Variants in CFAP47 observed in about 807,000 individuals in gnomAD.
The protein encoded by CFAP47 is cilia and flagella associated protein 47.
A neutral mutation model predicts 148.1 loss-of-function variants in CFAP47; 29 were observed. The ratio of observed to expected loss-of-function variants is 0.20; its 90% CI spans 0.15 to 0.27. The LOEUF (loss-of-function observed/expected upper bound fraction) is 0.27. CFAP47 is among the 10% of genes least tolerant of loss of function. CFAP47 has a pLI of 1.00. For synonymous variants in CFAP47, 664 were observed against 577.3 expected (o/e 1.15, Z -2.15); for missense variants, 1,872 against 1,697.5 (o/e 1.10, Z -1.81).
chrX:35,946,965 C>A (rs1004719759), intron 3 of CFAP47, among the ~76,000 whole-genome samples: 1 of 111,660 alleles, frequency 9.0e-6, no homozygotes, highest in African/African-American at 3.3e-5. Context: ...AAATTATGAA[C>A]CATTTCTGCT....
In CFAP47 at chrX:35,970,250, C is replaced by T. The variant is rs745852327; in HGVS notation, c.1815-518C>T. On this transcript the variant is annotated intron_variant, in intron 10 of 63. Transcript: ENST00000378653. ...AGTGAATATTAGATATAAAGTAATTCGCAGTTCTTTTATGAATTGTTTCCT... is the reference window on the plus strand; with the variant it reads ...AGTGAATATTAGATATAAAGTAATTTGCAGTTCTTTTATGAATTGTTTCCT... 5.9e-4 allele frequency among the ~76,000 whole-genome samples: 65 copies of T among 110,735 alleles called. 1 individual carries two copies. Among genetic ancestry groups the T allele is most frequent in the African/African-American group, 1.7e-3 (51 of 30,511 alleles).
intron 56 of CFAP47, among the ~76,000 whole-genome samples, chrX:36,316,574 A>G (rs1423729901): frequency 8.9e-6 from 1 of 112,243 alleles, no homozygotes; most frequent in Non-Finnish European, 1.9e-5. Context: ...TCCTCAGTAT[A>G]TTAGTTTCTA....
At chrX:36,042,677 TAAACTC>T (rs1426594959) in intron 25 of CFAP47, among the ~76,000 whole-genome samples, 3 of 111,332 alleles carry the variant, frequency 2.7e-5, no homozygotes, top group Non-Finnish European at 5.7e-5. Context: ...AAATAAATAA[TAAACTC>T]AAATAAATAC....
At position 36,308,409 on chromosome X, in the gene CFAP47, C is replaced by A. The variant is rs781836389; in HGVS notation, c.8187+1533C>A. 1.5e-4 allele frequency among the ~76,000 whole-genome samples: 17 copies of A among 110,797 alleles called. No individual in the cohort carries two copies. In the South Asian group the frequency reaches 4.5e-3, roughly 29 times the overall value. On this transcript the variant is annotated intron_variant, in intron 55 of 63. Transcript: ENST00000378653. ...CAACCTTCTCAATATATTGCTGTAA[C>A]CTTTGTGATTTTTCTTGCCATATTT...
chrX:36,045,412 C>T (rs143975830), intron 25 of CFAP47, among the ~76,000 whole-genome samples: 2,129 of 111,276 alleles, frequency 0.019, 28 homozygotes, highest in Non-Finnish European at 0.031. Flanking sequence ...ATAGCCACCA[C>T]AGCTAGTAAT....
intron 40 of CFAP47, among the ~76,000 whole-genome samples, chrX:36,183,727 G>A (rs760656641): frequency 1.8e-5 from 2 of 111,778 alleles, no homozygotes; most frequent in African/African-American, 3.2e-5. Flanking sequence ...CACATTTTAT[G>A]TTGTGGGGAC....
chrX:36,321,708 G>T (rs1295431995), intron 57 of CFAP47, among the ~76,000 whole-genome samples: 1 of 111,438 alleles, frequency 9.0e-6, no homozygotes, highest in African/African-American at 3.3e-5. Context: ...TCAAAGTATG[G>T]TTAATGTATG....
intron 33 of CFAP47, among the ~76,000 whole-genome samples, chrX:36,127,242 C>A (rs1171521539): frequency 8.9e-6 from 1 of 111,855 alleles, no homozygotes; most frequent in Non-Finnish European, 1.9e-5. Flanking sequence ...AGGTTTAAGT[C>A]TTTAATCCAA....
intron 20 of CFAP47, among the ~76,000 whole-genome samples, chrX:36,001,282 G>A (rs774919638): frequency 1.8e-5 from 2 of 111,494 alleles, no homozygotes; most frequent in South Asian, 7.6e-4. Context: ...ACTCTTCCCT[G>A]ATCAATTTTC....
intron 21 of CFAP47, among the ~76,000 whole-genome samples, chrX:36,012,595 A>C (rs996202942): frequency 1.2e-4 from 13 of 111,598 alleles, no homozygotes; most frequent in African/African-American, 3.9e-4. Context: ...GTTCTCACTC[A>C]TAAGTGGGAG....
At chrX:35,941,492 A>T (rs184715046) in intron 3 of CFAP47, 94 bp downstream of exon 3, 1 of 449,326 alleles carries the variant, frequency 2.2e-6, no homozygotes, top group Admixed American at 5.0e-5. Context: ...AATTTAACTG[A>T]AAAAAGGTCT....
intron 18 of CFAP47, among the ~76,000 whole-genome samples, chrX:35,995,411 A>G (rs1487941809): frequency 9.0e-6 from 1 of 111,702 alleles, no homozygotes; most frequent in Non-Finnish European, 1.9e-5. Flanking sequence ...TTTAGAGATC[A>G]CTTTGGTGGT....
intron 3 of CFAP47, among the ~76,000 whole-genome samples, chrX:35,942,203 G>A (rs923730853): frequency 9.0e-6 from 1 of 111,176 alleles, no homozygotes; most frequent in East Asian, 2.8e-4. Context: ...AGACAGGGAG[G>A]GTATTTCTAT....
chrX:36,280,646 CAG>C lies in CFAP47; in HGVS notation c.7588+19_7588+20del, dbSNP rs782139064. 21 of 459,999 alleles carry C rather than the reference CAG, an allele frequency of 4.6e-5. No individual in the cohort carries two copies. Among genetic ancestry groups the C allele is most frequent in the African/African-American group, 2.4e-4 (10 of 41,811 alleles). The allele number at this position is 459,999 out of a possible 1,213,427, so 37.9% of individuals were successfully genotyped here. On this transcript the variant is annotated intron_variant, in intron 50 of 63. Transcript: ENST00000378653. ...GCAGACACATGTAAGTTTATTATGA[CAG>C]AGTTTCACTATTAGTTTGCATAAAT...
intron 8 of CFAP47, among the ~76,000 whole-genome samples, chrX:35,965,531 C>A (rs930299272): frequency 8.1e-5 from 9 of 111,666 alleles, no homozygotes; most frequent in Non-Finnish European, 1.5e-4. Context: ...ATATCTTGTT[C>A]TCAAGTGATT....
intron 49 of CFAP47, among the ~76,000 whole-genome samples, chrX:36,266,264 C>T (rs1002467373): frequency 4.5e-5 from 5 of 110,424 alleles, no homozygotes; most frequent in African/African-American, 1.7e-4. Context: ...GGGATGCACT[C>T]GGGCTGGGTT....
chrX:36,248,412 TTA>T (rs1185601149), intron 48 of CFAP47, among the ~76,000 whole-genome samples: 2 of 104,650 alleles, frequency 1.9e-5, no homozygotes, highest in Non-Finnish European at 3.9e-5. Flanking sequence ...ATATTATATA[TTA>T]TGATATATTT....
chrX:36,204,907 G>A, intron 44 of CFAP47, 50 bp from the exon 45 acceptor site: 1 of 295,251 alleles, frequency 3.4e-6, no homozygotes, highest in Admixed American at 6.1e-5. Context: ...TTTGTGTTTT[G>A]GAGGTGAAAG....
chrX:36,016,660 G>T (rs1249313474), intron 22 of CFAP47, among the ~76,000 whole-genome samples: 1 of 107,167 alleles, frequency 9.3e-6, no homozygotes, highest in Non-Finnish European at 1.9e-5. Flanking sequence ...CTTTCTTTTG[G>T]GTATATGCCC....
Sources: gnomAD v4.1 joint callset for allele counts (sites outside exome capture counted in the v4.1 genomes callset) on GRCh38, gnomAD v4.1.1 for gene constraint, MANE v1.5 for transcripts, NCBI Gene and HGNC (gene_info 2026-07-23, HGNC 2026-07-21) for gene names.